PRKACB: variants seen among roughly 807,000 people sequenced by gnomAD.
PRKACB encodes the protein cAMP-dependent protein kinase catalytic subunit beta.
In PRKACB, 16 loss-of-function variants were observed where a neutral mutation model predicts 51.4. The observed-to-expected ratio is 0.31, with a 90% CI of 0.21 to 0.47. The LOEUF (loss-of-function observed/expected upper bound fraction) is 0.47, where lower values mean the gene tolerates loss of function less well. Ranked by LOEUF, PRKACB falls within the 20% of genes least tolerant of loss-of-function variation. The pLI, the probability that PRKACB is intolerant of heterozygous loss-of-function variation, is 1.00. For synonymous variants in PRKACB, 147 were observed against 154.4 expected, an observed-to-expected ratio of 0.95 and a Z score of 0.35; for missense variants, 309 against 464.5, an observed-to-expected ratio of 0.67 and a Z score of 3.08.
intron 1 of PRKACB, among the ~76,000 whole-genome samples, chr1:84,124,980 C>A (rs1202989610): frequency 6.6e-6 from 1 of 152,168 alleles, no homozygotes; most frequent in African/African-American, 2.4e-5. Context: ...CTTTCCTCAT[C>A]CCCATCACCT....
chr1:84,095,954 G>A lies in PRKACB; in HGVS notation c.46+17583G>A, dbSNP rs537054945. Among the ~76,000 whole-genome samples, 121 of 152,022 alleles carry A rather than the reference G, an allele frequency of 8.0e-4. 1 individual carries two copies. The South Asian group carries it at 0.016, about 20-fold the overall frequency. On this transcript the variant is annotated intron_variant, in intron 1 of 8. Transcript: ENST00000370688. ...TTACCAGTGTGTTTTTCTATGGTATGTTTGTTCTCTTATTTTTGGTTATTT... is the reference window on the plus strand; with the variant it reads ...TTACCAGTGTGTTTTTCTATGGTATATTTGTTCTCTTATTTTTGGTTATTT...
chr1:84,127,394 A>G (rs1018283674), intron 1 of PRKACB, among the ~76,000 whole-genome samples: 2 of 152,230 alleles, frequency 1.3e-5, no homozygotes, highest in African/African-American at 2.4e-5. Context: ...GAAAGAAAAA[A>G]AATTGAAAAC....
chr1:84,144,649 C>T, intron 1 of PRKACB, 101 bp downstream of exon 1: 1 of 1,265,396 alleles, frequency 7.9e-7, no homozygotes, highest in South Asian at 1.5e-5. Context: ...TTGTTGTTTT[C>T]TGATTTTCAC....
chr1:84,229,070 AT>A (rs1558342616), intron 9 of PRKACB, among the ~76,000 whole-genome samples: 1 of 129,412 alleles, frequency 7.7e-6, no homozygotes, highest in East Asian at 2.7e-4. Flanking sequence ...TCCCAATGCT[AT>A]CCCTCCCCCC....
Position 84,235,313 on chromosome 1 carries a change from C to G in PRKACB, c.*8C>G. 3 of 1,613,892 alleles carry G rather than the reference C, an allele frequency of 1.9e-6. No individual in the cohort carries two copies. Among genetic ancestry groups the G allele is most frequent in the African/African-American group, 2.7e-5 (2 of 75,020 alleles). On this transcript the variant is annotated 3_prime_UTR_variant, in exon 10 of 10. Coordinates refer to ENST00000370685, the MANE Select transcript of PRKACB (RefSeq NM_182948.4). Reference sequence around the variant, plus strand: ...GAATTTGGTGAATTTTAAAGAGGAACAAGATGACATCTGAGCTCACACTCA... The same window carrying G: ...GAATTTGGTGAATTTTAAAGAGGAAGAAGATGACATCTGAGCTCACACTCA...
chr1:84,129,083 C>T (rs1167980127), intron 1 of PRKACB, among the ~76,000 whole-genome samples: 1 of 152,098 alleles, frequency 6.6e-6, no homozygotes, highest in African/African-American at 2.4e-5. Context: ...TTTCAATGTA[C>T]AGCATATGTT....
Position 84,235,436 on chromosome 1 carries a change from T to C in PRKACB, c.*131T>C, listed in dbSNP as rs1676579495. ...TTCCAACGACTGAGTGAGGTCTTTA[T>C]TGCCATCATCCCGTGTGCGCACTCT... is the stretch of plus-strand genomic sequence containing the variant. On this transcript the variant is annotated 3_prime_UTR_variant, in exon 10 of 10. Coordinates refer to ENST00000370685, the MANE Select transcript of PRKACB (RefSeq NM_182948.4). 1.6e-6 allele frequency: 2 copies of C among 1,231,868 alleles called. No individual in the cohort carries two copies. Among genetic ancestry groups the C allele is most frequent in the Non-Finnish European group, 2.3e-6 (2 of 874,722 alleles). The allele number at this position is 1,231,868 out of a possible 1,614,324, so 76.3% of individuals were successfully genotyped here.
At chr1:84,177,282 T>C (rs1366583493) in intron 1 of PRKACB, among the ~76,000 whole-genome samples, 2 of 152,124 alleles carry the variant, frequency 1.3e-5, no homozygotes, top group Non-Finnish European at 1.5e-5. Flanking sequence ...ATTATGTTTT[T>C]AATTTAATTT....
At chr1:84,089,221 T>G (rs1028988580) in intron 1 of PRKACB, among the ~76,000 whole-genome samples, 18 of 152,158 alleles carry the variant, frequency 1.2e-4, no homozygotes, top group Non-Finnish European at 2.1e-4. Context: ...TGTAGAAGCG[T>G]ACATCCTCCT....
intron 1 of PRKACB, among the ~76,000 whole-genome samples, chr1:84,170,758 CT>C (rs1659180862): frequency 6.6e-6 from 1 of 151,546 alleles, no homozygotes; most frequent in Non-Finnish European, 1.5e-5. Context: ...TCACATATGA[CT>C]ACTATATTAA....
intron 5 of PRKACB, among the ~76,000 whole-genome samples, chr1:84,194,977 C>A (rs1256829352): frequency 6.6e-6 from 1 of 152,014 alleles, no homozygotes; most frequent in Non-Finnish European, 1.5e-5. Context: ...CAATTAAACA[C>A]CAGCATATGG....
chr1:84,181,870 T>C (rs1452820036), intron 2 of PRKACB: 1 of 577,328 alleles, frequency 1.7e-6, no homozygotes, highest in Non-Finnish European at 2.7e-6. Flanking sequence ...ATGAAACTAA[T>C]TTATTGGAAG....
chr1:84,090,877 C>T (rs1453259815), intron 1 of PRKACB, among the ~76,000 whole-genome samples: 1 of 152,144 alleles, frequency 6.6e-6, no homozygotes, highest in Non-Finnish European at 1.5e-5. Context: ...ATGTAGAAAT[C>T]ACATTGTACA....
chr1:84,179,267 T>G (rs1470476870), intron 2 of PRKACB, 29 bp downstream of exon 2: 3 of 1,527,296 alleles, frequency 2.0e-6, no homozygotes, highest in African/African-American at 2.8e-5. Context: ...TTTCTAAAAT[T>G]AAAAATCTTG....
intron 7 of PRKACB, among the ~76,000 whole-genome samples, chr1:84,202,404 A>G (rs1442436340): frequency 6.6e-6 from 1 of 152,088 alleles, no homozygotes; most frequent in Non-Finnish European, 1.5e-5. Flanking sequence ...AGTGAAATAA[A>G]GAAAATTTCA....
chr1:84,143,814 C>T (rs528147655), upstream of PRKACB, among the ~76,000 whole-genome samples: 30 of 151,952 alleles, frequency 2.0e-4, 1 homozygote, highest in African/African-American at 7.0e-4. Context: ...TTTATTTATA[C>T]GTGTTATAAA....
At chr1:84,172,727 A>T (rs1046519881) in intron 1 of PRKACB, among the ~76,000 whole-genome samples, 10 of 151,772 alleles carry the variant, frequency 6.6e-5, no homozygotes, top group Non-Finnish European at 2.9e-5. Context: ...TCAGTCAATT[A>T]TGCTGTTCAC....
At chr1:84,199,024 T>TAC (rs1669100169) in intron 7 of PRKACB, among the ~76,000 whole-genome samples, 1 of 148,062 alleles carries the variant, frequency 6.8e-6, no homozygotes, top group South Asian at 2.1e-4. Flanking sequence ...TGCGTATATA[T>TAC]ACACATATAT....
chr1:84,188,883 C>G lies in PRKACB; in HGVS notation c.560+3701C>G, dbSNP rs948078980. Among the ~76,000 whole-genome samples, 6 of 151,896 alleles carry G rather than the reference C, an allele frequency of 4.0e-5. No homozygotes were observed. In the East Asian group the frequency reaches 1.2e-3, roughly 29 times the overall value. On this transcript the variant is annotated intron_variant, in intron 5 of 9. Coordinates refer to ENST00000370685, the MANE Select transcript of PRKACB (RefSeq NM_182948.4). ...AAAACCCTTGGTCAAAACGGAGTAA[C>G]AGGTCACTGTAAAATAATAGTCATT...
Sources: gnomAD v4.1 joint callset for allele counts (sites outside exome capture counted in the v4.1 genomes callset) on GRCh38, gnomAD v4.1.1 for gene constraint, MANE v1.5 for transcripts, NCBI Gene and HGNC (gene_info 2026-07-23, HGNC 2026-07-21) for gene names.